Variants in ERH observed in about 807,000 individuals in gnomAD.
The protein encoded by ERH is enhancer of rudimentary homolog.
A neutral mutation model predicts 16.8 loss-of-function variants in ERH; 1 was observed. The ratio of observed to expected loss-of-function variants is 0.06; its 90% CI spans 0.02 to 0.28. The LOEUF is 0.28. ERH is among the 10% of genes least tolerant of loss of function. The pLI is 1.00. For missense variants in ERH, 42 were observed against 127.5 expected (o/e 0.33, Z 3.23); for synonymous variants, 43 against 43.6 (o/e 0.99, Z 0.05).
chr14:69,393,807 A>C (rs1882272994), intron 2 of ERH, among the ~76,000 whole-genome samples: 2 of 152,214 alleles, frequency 1.3e-5, no homozygotes, highest in South Asian at 4.1e-4. Flanking sequence ...GAACTGCCTG[A>C]GGCTAGAAGT....
intron 2 of ERH, among the ~76,000 whole-genome samples, chr14:69,387,765 C>T (rs1052691563): frequency 3.3e-5 from 5 of 150,792 alleles, no homozygotes; most frequent in Non-Finnish European, 5.9e-5. Context: ...CTAGACTAGG[C>T]CGGGCACAGT....
intron 2 of ERH, among the ~76,000 whole-genome samples, chr14:69,391,840 T>C (rs1311531089): frequency 6.6e-6 from 1 of 152,046 alleles, no homozygotes; most frequent in Non-Finnish European, 1.5e-5. Context: ...TGGGGATTTC[T>C]GGTAGTGAAA....
rs145863054 is a variant in ERH, at chr14:69,393,215, A to G, written c.91+1610T>C. ...ACCTGTAGTCCCAGCTACTGAGGAG[A>G]CTGAGGAAGGAGAATCATTTGAACC... On this transcript the variant is annotated intron_variant, in intron 2 of 3. Coordinates refer to ENST00000557016, the MANE Select transcript of ERH (RefSeq NM_004450.3). 3.1e-3 allele frequency among the ~76,000 whole-genome samples: 475 copies of G among 152,204 alleles called. 4 individuals carry two copies. Among genetic ancestry groups the G allele is most frequent in the African/African-American group, 0.011 (461 of 41,514 alleles).
intron 2 of ERH, among the ~76,000 whole-genome samples, chr14:69,387,411 T>C (rs2045898961): frequency 6.6e-6 from 1 of 152,050 alleles, no homozygotes; most frequent in African/African-American, 2.4e-5. Flanking sequence ...AATTAAAAAA[T>C]TAGCCAGGCG....
At position 69,386,958 on chromosome 14, in the gene ERH, C is replaced by CT; in HGVS notation, c.212+4dup. On this transcript the variant is annotated splice_donor_region_variant and intron_variant, in intron 3 of 3. Coordinates refer to ENST00000557016, the MANE Select transcript of ERH (RefSeq NM_004450.3). The stretch of plus-strand genomic sequence containing the variant: ...AAGATAAAAGACATGTTGGCTAATA[C>CT]TTACACCAGGCAGCTGAGGTCTGCC... 1 of 1,613,008 alleles carries CT rather than the reference C, an allele frequency of 6.2e-7. No individual in the cohort carries two copies. The highest frequency in any genetic ancestry group is 1.3e-5 in the African/African-American group (1 of 75,014).
intron 3 of ERH, among the ~76,000 whole-genome samples, chr14:69,385,652 A>G (rs1257016077): frequency 4.7e-5 from 3 of 63,534 alleles, no homozygotes; most frequent in African/African-American, 6.8e-5. Context: ...AAAAAAAAGG[A>G]AAAAAAAAAA....
rs537254192 is a variant in ERH, at chr14:69,394,292, A to T, written c.91+533T>A. ...ACTCATTATATACATTAGTTTAAAA[A>T]AAAAAAACACCTAATACTTGTAGCA... On this transcript the variant is annotated intron_variant, in intron 2 of 3. Coordinates refer to ENST00000557016, the MANE Select transcript of ERH (RefSeq NM_004450.3). 3.1e-3 allele frequency among the ~76,000 whole-genome samples: 477 copies of T among 152,340 alleles called. 4 individuals are homozygous for T. The highest frequency in any genetic ancestry group is 0.011 in the African/African-American group (463 of 41,586).
chr14:69,396,890 CA>C (rs1034881201), intron 1 of ERH, among the ~76,000 whole-genome samples: 1 of 152,206 alleles, frequency 6.6e-6, no homozygotes, highest in Non-Finnish European at 1.5e-5. Context: ...GCTAGCTACT[CA>C]AAAAGTTTCA....
At chr14:69,387,447 C>A (rs2045899245) in intron 2 of ERH, among the ~76,000 whole-genome samples, 1 of 152,108 alleles carries the variant, frequency 6.6e-6, no homozygotes, top group Non-Finnish European at 1.5e-5. Context: ...GTGGTCCCAG[C>A]TACCTGGGAA....
chr14:69,393,159 A>C (rs1882254835), intron 2 of ERH, among the ~76,000 whole-genome samples: 1 of 152,200 alleles, frequency 6.6e-6, no homozygotes, highest in East Asian at 1.9e-4. Flanking sequence ...TTTACTAAAA[A>C]TACAAAAATT....
chr14:69,383,761 A>G (rs1376945437), intron 3 of ERH, among the ~76,000 whole-genome samples: 2 of 152,232 alleles, frequency 1.3e-5, no homozygotes, highest in East Asian at 3.8e-4. Context: ...TCTAGGTAAT[A>G]ATTAAAGCTT....
chr14:69,392,204 T>A lies in ERH; in HGVS notation c.91+2621A>T, dbSNP rs114704234. Reference sequence around the variant, plus strand: ...CTCTGATCTACAGGGGAATATTTACTACAAGAAAAAAAAAAAAAGAATAAT... The same window carrying A: ...CTCTGATCTACAGGGGAATATTTACAACAAGAAAAAAAAAAAAAGAATAAT... On this transcript the variant is annotated intron_variant, in intron 2 of 3. Transcript: ENST00000557016. 3.3e-3 allele frequency among the ~76,000 whole-genome samples: 469 copies of A among 141,324 alleles called. 4 individuals are homozygous for A. Among genetic ancestry groups the A allele is most frequent in the African/African-American group, 0.012 (454 of 37,034 alleles). The allele number at this position is 141,324 out of a possible 152,430, so 92.7% of individuals were successfully genotyped here. A position where few individuals can be genotyped will look rare whatever the true frequency, so the allele number is the denominator to read the frequency against.
At position 69,398,299 on chromosome 14, in the gene ERH, C is replaced by G; in HGVS notation, c.-66G>C. On this transcript the variant is annotated 5_prime_UTR_variant, in exon 1 of 4. Coordinates refer to ENST00000557016, the MANE Select transcript of ERH (RefSeq NM_004450.3). ...CGCCGTTACACGAGCTTAACTACAACGCCGCTAACAGCCAATCCTCGCGAG... is the reference window on the plus strand; with the variant it reads ...CGCCGTTACACGAGCTTAACTACAAGGCCGCTAACAGCCAATCCTCGCGAG... The G allele has an allele frequency of 1.9e-6, 3 of 1,611,294 alleles. No individual in the cohort carries two copies. The highest frequency in any genetic ancestry group is 1.7e-6 in the Non-Finnish European group (2 of 1,178,594).
intron 2 of ERH, among the ~76,000 whole-genome samples, chr14:69,390,497 T>C (rs2045918168): frequency 6.6e-6 from 1 of 152,110 alleles, no homozygotes; most frequent in South Asian, 2.1e-4. Context: ...GACAACAGGA[T>C]AGTCACATGT....
rs2045853048 is a variant in ERH, at chr14:69,380,307, A to C, written c.*231T>G. The C allele has an allele frequency of 5.0e-6, 2 of 402,794 alleles. No individual in the cohort carries two copies. Among genetic ancestry groups the C allele is most frequent in the South Asian group, 1.4e-4 (2 of 14,634 alleles). The allele number at this position is 402,794 out of a possible 1,614,324, so 25.0% of individuals were successfully genotyped here. A position where few individuals can be genotyped will look rare whatever the true frequency, so the allele number is the denominator to read the frequency against. ...GTGACGAAGAACAACTTCCATCTAA[A>C]TCATCATAAAAATGTTTAAGTAAAA... On this transcript the variant is annotated 3_prime_UTR_variant, in exon 4 of 4. Transcript: ENST00000557016.
At chr14:69,394,475 A>ACTTGGG (rs1272804231) in intron 2 of ERH, among the ~76,000 whole-genome samples, 4 of 152,244 alleles carry the variant, frequency 2.6e-5, no homozygotes, top group African/African-American at 9.6e-5. Context: ...CCATGCCTGT[A>ACTTGGG]GTCCCAGCTA....
intron 1 of ERH, among the ~76,000 whole-genome samples, chr14:69,395,400 T>G (rs1249551657): frequency 6.6e-6 from 1 of 152,108 alleles, no homozygotes; most frequent in African/African-American, 2.4e-5. Context: ...ACGGTCTCCC[T>G]AAGTCTCCCA....
chr14:69,394,813 T>A lies in ERH; in HGVS notation c.91+12A>T. The A allele has an allele frequency of 6.3e-7, 1 of 1,597,690 alleles. No homozygotes were observed. The highest frequency in any genetic ancestry group is 2.2e-5 in the East Asian group (1 of 44,792). ...AGACATTTTTCTACCCCTTGATTAGTGTTAAACTCACCTTCCATGCATTCA... is the reference window on the plus strand; with the variant it reads ...AGACATTTTTCTACCCCTTGATTAGAGTTAAACTCACCTTCCATGCATTCA... On this transcript the variant is annotated intron_variant, in intron 2 of 3. Transcript: ENST00000557016.
At chr14:69,390,719 G>GA (rs1193824319) in intron 2 of ERH, among the ~76,000 whole-genome samples, 1 of 152,172 alleles carries the variant, frequency 6.6e-6, no homozygotes, top group African/African-American at 2.4e-5. Flanking sequence ...ACACTATTAA[G>GA]AAAGTGAGAA....
Sources: allele counts gnomAD v4.1 joint callset (sites outside exome capture counted in the v4.1 genomes callset), GRCh38; gene constraint gnomAD v4.1.1; transcripts MANE v1.5; gene names NCBI Gene and HGNC (gene_info 2026-07-23, HGNC 2026-07-21).